PLCD4: variants seen among roughly 807,000 people sequenced by gnomAD.
PLCD4 encodes 1-phosphatidylinositol 4,5-bisphosphate phosphodiesterase delta-4.
A neutral mutation model predicts 90.2 loss-of-function variants in PLCD4; 63 were observed. The ratio of observed to expected loss-of-function variants is 0.70; its 90% CI spans 0.57 to 0.86. PLCD4 has a LOEUF of 0.86. Ranked by LOEUF, PLCD4 falls within the 40% of genes least tolerant of loss-of-function variation. The pLI is 0.00. For synonymous variants in PLCD4, 294 were observed against 356.5 expected, an observed-to-expected ratio of 0.82 and a Z score of 1.97; for missense variants, 830 against 956.3, an observed-to-expected ratio of 0.87 and a Z score of 1.74.
At chr2:218,620,070 G>C (rs1332768164) in intron 4 of PLCD4, among the ~76,000 whole-genome samples, 2 of 151,986 alleles carry the variant, frequency 1.3e-5, no homozygotes, top group African/African-American at 4.8e-5. Context: ...TGTAGAGATG[G>C]GATTTTGCCA....
Position 218,618,686 on chromosome 2 carries a change from G to C in PLCD4, c.289G>C (p.Gly97Arg). 1 of 1,613,820 alleles carries C rather than the reference G, an allele frequency of 6.2e-7. No homozygotes were observed. ...GCAGGGCTTCACCATTGTCTTCCAT[G>C]GCCGCCGCTCCAACCTGGACCTGAT... ...LEQGFTIVFH[G>R]RRSNLDLMAN... Residue 97 changes from glycine to arginine, a missense_variant, in exon 4 of 16, where the codon GGC (glycine) becomes CGC (arginine). Transcript: ENST00000450993.
At position 218,633,597 on chromosome 2, in the gene PLCD4, T is replaced by A. The variant is rs1404793545; in HGVS notation, c.1450-8T>A. The stretch of plus-strand genomic sequence containing the variant: ...GTTCAATTCCATCTTCTTTTCCACC[T>A]TCTCCAGAAATCCAAGCCCATCTTG... On this transcript the variant is annotated splice_polypyrimidine_tract_variant and splice_region_variant and intron_variant, in intron 10 of 15. Transcript: ENST00000450993. 4.3e-6 allele frequency: 7 copies of A among 1,612,408 alleles called. No homozygotes were observed. The highest frequency in any genetic ancestry group is 5.9e-6 in the Non-Finnish European group (7 of 1,178,552).
rs201287573 is a variant in PLCD4 at position 218,636,592 on chromosome 2, G to A, written c.*15G>A. 2.0e-5 allele frequency: 32 copies of A among 1,611,020 alleles called. No homozygotes were observed. The highest frequency in any genetic ancestry group is 4.5e-5 in the East Asian group (2 of 44,830). Reference sequence around the variant, plus strand: ...ATGAGTCCTGAGGTGGGCATTTCACGGGAAGGGTTGGTGTGCTGGCTTTAG... The same window carrying A: ...ATGAGTCCTGAGGTGGGCATTTCACAGGAAGGGTTGGTGTGCTGGCTTTAG... On this transcript the variant is annotated 3_prime_UTR_variant, in exon 16 of 16. Coordinates refer to ENST00000450993, the MANE Select transcript of PLCD4 (RefSeq NM_032726.4).
chr2:218,632,268 C>A lies in PLCD4; in HGVS notation c.1405C>A (p.Pro469Thr), dbSNP rs763673642. The change falls in exon 10 of 16, where the codon CCT (proline) becomes ACT (threonine). Residue 469 changes from proline to threonine, a missense_variant. Coordinates refer to ENST00000450993, the MANE Select transcript of PLCD4 (RefSeq NM_032726.4). ...GCTGGAGTCCCAGTTTGAGACTGAGCCTGAGCCCCAGGAGCAGAACCTTCA... is the reference window on the plus strand; with the variant it reads ...GCTGGAGTCCCAGTTTGAGACTGAGACTGAGCCCCAGGAGCAGAACCTTCA... Reference protein sequence around the residue: ...LALESQFETEPEPQEQNLQNK... With the variant: ...LALESQFETETEPQEQNLQNK... 1.2e-6 allele frequency: 2 copies of A among 1,611,424 alleles called. No homozygotes were observed. Among genetic ancestry groups the A allele is most frequent in the Non-Finnish European group, 1.7e-6 (2 of 1,178,890 alleles).
Position 218,636,230 on chromosome 2 carries a change from T to A in PLCD4, c.2033-13T>A. 6.2e-7 allele frequency: 1 copy of A among 1,612,322 alleles called. No homozygotes were observed. Among genetic ancestry groups the A allele is most frequent in the African/African-American group, 1.3e-5 (1 of 75,020 alleles). The stretch of plus-strand genomic sequence containing the variant: ...CATAATGTCTTCTTATTTCTTTCTG[T>A]CCACCAACTCAGGTTTTAATCCATA... On this transcript the variant is annotated splice_polypyrimidine_tract_variant and intron_variant, in intron 14 of 15. Transcript: ENST00000450993.
intron 1 of PLCD4, among the ~76,000 whole-genome samples, chr2:218,612,708 G>A (rs892027971): frequency 6.6e-6 from 1 of 152,170 alleles, no homozygotes; most frequent in African/African-American, 2.4e-5. Flanking sequence ...GGAGGCAGAG[G>A]TTGCAGTGAG....
intron 8 of PLCD4, among the ~76,000 whole-genome samples, chr2:218,630,162 G>C (rs1014729557): frequency 6.6e-6 from 1 of 152,192 alleles, no homozygotes; most frequent in Non-Finnish European, 1.5e-5. Context: ...TGGGCAGCAA[G>C]AGTGAAACTC....
In PLCD4 at chr2:218,622,658, G is replaced by C. The variant is rs187255663; in HGVS notation, c.552G>C (p.Thr184=). 1.2e-6 allele frequency: 2 copies of C among 1,613,080 alleles called. No individual in the cohort carries two copies. Among genetic ancestry groups the C allele is most frequent in the East Asian group, 4.5e-5 (2 of 44,870 alleles). The change falls in exon 6 of 16, where the codon ACG becomes ACC. Residue 184 remains threonine (T), a synonymous_variant. Coordinates refer to ENST00000450993, the MANE Select transcript of PLCD4 (RefSeq NM_032726.4). ...AACCTCTCTTGCAGGCAGCAGACAC[G>C]TCCCAGTCTGGAACCCTGGAAGGAG... ...YAFSLFQAAD[T]SQSGTLEGEE...
intron 3 of PLCD4, among the ~76,000 whole-genome samples, chr2:218,617,735 G>A (rs887721744): frequency 6.6e-6 from 1 of 152,198 alleles, no homozygotes; most frequent in Non-Finnish European, 1.5e-5. Context: ...GCTGAGGTAA[G>A]AGGGTGAAAG....
chr2:218,619,300 T>C (rs1395686354), intron 4 of PLCD4, among the ~76,000 whole-genome samples: 1 of 151,888 alleles, frequency 6.6e-6, no homozygotes, highest in Non-Finnish European at 1.5e-5. Flanking sequence ...TGTTTTGTTT[T>C]GTTTTGTTTT....
chr2:218,636,648 G>C lies in PLCD4; in HGVS notation c.*71G>C. 6.8e-7 allele frequency: 1 copy of C among 1,460,264 alleles called. No homozygotes were observed. The highest frequency in any genetic ancestry group is 1.2e-5 in the South Asian group (1 of 83,650). The allele number at this position is 1,460,264 out of a possible 1,614,324, so 90.5% of individuals were successfully genotyped here. ...GAGAAACATCTGGAAGGATGCTCGA[G>C]AGAACAAATGGAGGTGGTGAAAATC... On this transcript the variant is annotated 3_prime_UTR_variant, in exon 16 of 16. Transcript: ENST00000450993.
intron 1 of PLCD4, among the ~76,000 whole-genome samples, chr2:218,614,812 G>A (rs542758822): frequency 1.3e-5 from 2 of 152,206 alleles, no homozygotes; most frequent in African/African-American, 4.8e-5. Context: ...TGAAAATGTA[G>A]TTCTGAGACT....
chr2:218,630,469 G>A (rs74979056), intron 8 of PLCD4, among the ~76,000 whole-genome samples, 181 bp from the exon 9 acceptor site: 4,600 of 152,268 alleles, frequency 0.03, 241 homozygotes, highest in African/African-American at 0.1. Flanking sequence ...GGGCAGTGTC[G>A]CAGGCATGGG....
intron 8 of PLCD4, 80 bp from the exon 9 acceptor site, chr2:218,630,570 G>C: frequency 2.6e-6 from 4 of 1,536,434 alleles, no homozygotes; most frequent in Non-Finnish European, 3.6e-6. Flanking sequence ...AAGTAGGGAG[G>C]CCTAGGAAGC....
At chr2:218,616,123 C>G in intron 3 of PLCD4, 61 bp downstream of exon 3, 4 of 1,577,486 alleles carry the variant, frequency 2.5e-6, no homozygotes, top group Non-Finnish European at 3.5e-6. Context: ...AGGAGCCCGG[C>G]AGGGGAGGGA....
Position 218,633,703 on chromosome 2 carries a change from C to G in PLCD4, c.1548C>G (p.His516Gln), listed in dbSNP as rs370612736. 6 of 1,614,004 alleles carry G rather than the reference C, an allele frequency of 3.7e-6. No homozygotes were observed. The highest frequency in any genetic ancestry group is 5.1e-6 in the Non-Finnish European group (6 of 1,179,896). The change falls in exon 11 of 16, where the codon CAC (histidine) becomes CAG (glutamine). Residue 516 changes from histidine (H) to glutamine (Q), a missense_variant. Coordinates refer to ENST00000450993, the MANE Select transcript of PLCD4 (RefSeq NM_032726.4). ...RSFTHSKEHY[H>Q]FYEISSFSET... The stretch of plus-strand genomic sequence containing the variant: ...TCACACATTCAAAGGAGCACTACCA[C>G]TTCTACGAGATATCATCTTTCTCTG...
chr2:218,618,139 G>A (rs546523202), intron 3 of PLCD4, among the ~76,000 whole-genome samples: 23 of 152,194 alleles, frequency 1.5e-4, no homozygotes, highest in Middle Eastern at 3.4e-3. Flanking sequence ...GAGAGAACTG[G>A]ACTTGGGCAT....
At chr2:218,627,434 A>T (rs1696165138) in intron 6 of PLCD4, among the ~76,000 whole-genome samples, 1 of 151,646 alleles carries the variant, frequency 6.6e-6, no homozygotes, top group Non-Finnish European at 1.5e-5. Context: ...ACTATAGCAT[A>T]AAAAAAGACC....
chr2:218,621,385 G>A (rs1223074846), intron 4 of PLCD4, 85 bp from the exon 5 acceptor site: 3 of 1,489,082 alleles, frequency 2.0e-6, no homozygotes, highest in Non-Finnish European at 2.8e-6. Context: ...GGAAAGAGAG[G>A]GGAGAGATGT....
Sources: allele counts gnomAD v4.1 joint callset (sites outside exome capture counted in the v4.1 genomes callset), GRCh38; gene constraint gnomAD v4.1.1; transcripts MANE v1.5; gene names NCBI Gene and HGNC (gene_info 2026-07-23, HGNC 2026-07-21).